The following OSBPL10 variants were observed in gnomAD, a reference collection of about 807,000 sequenced individuals.
OSBPL10 encodes oxysterol-binding protein-related protein 10.
OSBPL10 carries 49 observed loss-of-function variants against 81.7 expected under a neutral mutation model. That is an observed-to-expected ratio of 0.60 (90% CI 0.48 to 0.76). OSBPL10 has a LOEUF of 0.76. OSBPL10 is among the 30% of genes least tolerant of loss of function. The pLI, the probability that OSBPL10 is intolerant of heterozygous loss-of-function variation, is 0.00. For missense variants in OSBPL10, 923 were observed against 987.8 expected (o/e 0.93, Z 0.88); for synonymous variants, 419 against 383.6 (o/e 1.09, Z -1.08).
intron 4 of OSBPL10, among the ~76,000 whole-genome samples, chr3:31,828,590 T>C (rs545334748): frequency 1.3e-5 from 2 of 152,354 alleles, no homozygotes; most frequent in East Asian, 3.9e-4. Flanking sequence ...TGGAGTGCAC[T>C]GGGGCTATCT....
At chr3:31,874,190 T>C (rs1701396860) in intron 3 of OSBPL10, among the ~76,000 whole-genome samples, 1 of 152,000 alleles carries the variant, frequency 6.6e-6, no homozygotes, top group Non-Finnish European at 1.5e-5. Context: ...TTAATGTACT[T>C]AAAGTTGGTT....
intron 1 of OSBPL10, among the ~76,000 whole-genome samples, chr3:31,956,965 T>C (rs1001488336): frequency 6.9e-6 from 1 of 144,866 alleles, no homozygotes. Flanking sequence ...AAACCCCATC[T>C]CTATAAAAAA....
At chr3:31,725,862 T>C (rs1035122158) in intron 6 of OSBPL10, among the ~76,000 whole-genome samples, 3 of 152,214 alleles carry the variant, frequency 2.0e-5, no homozygotes, top group African/African-American at 7.2e-5. Flanking sequence ...ATTACGTACT[T>C]AAGAGTATCT....
At chr3:31,913,449 C>T (rs990640700) in intron 1 of OSBPL10, among the ~76,000 whole-genome samples, 1 of 152,072 alleles carries the variant, frequency 6.6e-6, no homozygotes, top group South Asian at 2.1e-4. Context: ...GGGGTTCCAC[C>T]GTGTTAGCCA....
At chr3:31,796,803 G>A (rs1004071082) in intron 4 of OSBPL10, among the ~76,000 whole-genome samples, 2 of 151,924 alleles carry the variant, frequency 1.3e-5, no homozygotes, top group African/African-American at 2.4e-5. Context: ...CCCAATGAGG[G>A]CTTTTACCTT....
At chr3:31,875,082 T>TAAAAAAAAAAAAAA (rs555527834) in intron 3 of OSBPL10, among the ~76,000 whole-genome samples, 1 of 103,078 alleles carries the variant, frequency 9.7e-6, no homozygotes, top group Non-Finnish European at 2.0e-5. Flanking sequence ...ATATATTAAG[T>TAAAAAAAAAAAAAA]AAAAAAAAAA....
intron 2 of OSBPL10, among the ~76,000 whole-genome samples, chr3:31,996,497 C>CA (rs202233507): frequency 7.9e-6 from 1 of 126,222 alleles, no homozygotes; most frequent in African/African-American, 4.3e-5. Context: ...TATAAATTGC[C>CA]AGGGGGAGAA....
intron 4 of OSBPL10, among the ~76,000 whole-genome samples, chr3:31,798,578 A>G (rs531486526): frequency 2.6e-5 from 4 of 152,222 alleles, no homozygotes; most frequent in African/African-American, 7.2e-5. Context: ...ATTAAAATTA[A>G]TTTTACCTGT....
intron 5 of OSBPL10, among the ~76,000 whole-genome samples, chr3:31,737,161 A>G (rs72857990): frequency 0.05 from 7,610 of 152,218 alleles, 635 homozygotes; most frequent in African/African-American, 0.17. Context: ...TGTGGACCCT[A>G]TGAATTCCGA....
rs140645096 is a variant in OSBPL10, at chr3:31,922,818, T to G, written c.282-42988A>C. The stretch of plus-strand genomic sequence containing the variant: ...TCTTGCAGGGGTGGGATTCTTCATC[T>G]CCACACTGCACACCAATCTGGCCAA... On this transcript the variant is annotated intron_variant, in intron 1 of 11. Coordinates refer to ENST00000396556, the MANE Select transcript of OSBPL10 (RefSeq NM_017784.5). Among the ~76,000 whole-genome samples the G allele has an allele frequency of 3.8e-3, 575 of 152,136 alleles. 5 individuals carry two copies. Among genetic ancestry groups the G allele is most frequent in the African/African-American group, 0.013 (537 of 41,512 alleles).
At chr3:31,929,785 CT>C (rs143499355) in intron 1 of OSBPL10, among the ~76,000 whole-genome samples, 7,228 of 150,334 alleles carry the variant, frequency 0.048, 294 homozygotes, top group African/African-American at 0.11. Flanking sequence ...AAAGCTCTTA[CT>C]AAGTAAGAAA....
intron 5 of OSBPL10, among the ~76,000 whole-genome samples, chr3:31,744,657 T>C (rs9819502): frequency 0.99 from 150,030 of 151,900 alleles, 74,094 homozygotes; most frequent in Middle Eastern, 1. Context: ...GACATAATTT[T>C]AGGGACACTT....
chr3:31,988,943 G>A (rs1426941896), intron 2 of OSBPL10: 11 of 1,139,854 alleles, frequency 9.7e-6, no homozygotes, highest in Non-Finnish European at 1.4e-5. Flanking sequence ...CAGCGACTGT[G>A]AGATAATCAG....
At chr3:31,663,939 T>C (rs991185551) in intron 11 of OSBPL10, 140 bp downstream of exon 11, 9 of 1,579,816 alleles carry the variant, frequency 5.7e-6, no homozygotes, top group Non-Finnish European at 7.7e-6. Context: ...AAAGCTGGAG[T>C]CAGAACCGAG....
intron 3 of OSBPL10, among the ~76,000 whole-genome samples, chr3:31,832,829 A>G (rs938740671): frequency 6.6e-6 from 1 of 152,214 alleles, no homozygotes; most frequent in African/African-American, 2.4e-5. Flanking sequence ...AACAGTCTGG[A>G]TACCCTAGGT....
chr3:32,071,717 T>G (rs999498346), intron 1 of OSBPL10, among the ~76,000 whole-genome samples: 12 of 152,240 alleles, frequency 7.9e-5, no homozygotes, highest in Middle Eastern at 3.2e-3. Flanking sequence ...ACCTGACACA[T>G]ATACTTTCTG....
chr3:31,944,202 A>T (rs924781510), intron 1 of OSBPL10, among the ~76,000 whole-genome samples: 2 of 152,130 alleles, frequency 1.3e-5, no homozygotes, highest in Non-Finnish European at 2.9e-5. Flanking sequence ...CACTGCATCA[A>T]ACAATATAAC....
intron 7 of OSBPL10, among the ~76,000 whole-genome samples, chr3:31,690,401 T>C (rs1049754478): frequency 6.6e-6 from 1 of 152,198 alleles, no homozygotes; most frequent in Admixed American, 6.5e-5. Context: ...CTCTTTTCTT[T>C]ATAAATTACT....
intron 3 of OSBPL10, among the ~76,000 whole-genome samples, chr3:31,855,927 G>T (rs1368080718): frequency 6.6e-6 from 1 of 151,940 alleles, no homozygotes; most frequent in Non-Finnish European, 1.5e-5. Flanking sequence ...CTCAAGTATT[G>T]TAGAAAAAAG....
Sources: allele counts gnomAD v4.1 joint callset (sites outside exome capture counted in the v4.1 genomes callset), GRCh38; gene constraint gnomAD v4.1.1; transcripts MANE v1.5; gene names NCBI Gene and HGNC (gene_info 2026-07-23, HGNC 2026-07-21).